The following CNTN4 variants were observed in gnomAD, a reference collection of about 807,000 sequenced individuals.
The protein encoded by CNTN4 is contactin 4, also known as contactin-4.
A neutral mutation model predicts 122.5 loss-of-function variants in CNTN4; 77 were observed. The observed-to-expected ratio is 0.63, with a 90% CI of 0.52 to 0.76. The LOEUF is 0.76. Among genes scored for constraint, CNTN4 ranks in the 30% least tolerant of loss-of-function variants. CNTN4 has a pLI of 0.00. For missense variants in CNTN4, 1,256 were observed against 1,259.1 expected (o/e 1.00, Z 0.04); for synonymous variants, 512 against 447.0 (o/e 1.15, Z -1.83).
intron 4 of CNTN4, among the ~76,000 whole-genome samples, chr3:2,734,235 A>G (rs1483572087): frequency 6.6e-6 from 1 of 151,816 alleles, no homozygotes; most frequent in Non-Finnish European, 1.5e-5. Context: ...TAATTTTTTA[A>G]TTTTTGGTAG....
chr3:2,601,757 C>G (rs997733581), intron 4 of CNTN4, among the ~76,000 whole-genome samples: 8 of 152,040 alleles, frequency 5.3e-5, no homozygotes, highest in African/African-American at 1.9e-4. Flanking sequence ...TCAGCATCAT[C>G]CTGATACCAA....
intron 4 of CNTN4, among the ~76,000 whole-genome samples, chr3:2,660,032 C>T (rs2083802111): frequency 6.6e-6 from 1 of 152,144 alleles, no homozygotes; most frequent in Non-Finnish European, 1.5e-5. Context: ...TGCACAGTCA[C>T]TGGGCTTTGG....
At chr3:2,244,224 A>G (rs2040055449) in intron 2 of CNTN4, among the ~76,000 whole-genome samples, 1 of 149,830 alleles carries the variant, frequency 6.7e-6, no homozygotes, top group African/African-American at 2.4e-5. Context: ...AAAAAAATCT[A>G]TGTAAATGTG....
intron 4 of CNTN4, among the ~76,000 whole-genome samples, chr3:2,733,097 T>G (rs1331410905): frequency 1.3e-5 from 2 of 152,238 alleles, no homozygotes; most frequent in Admixed American, 6.5e-5. Context: ...CAGATGTTAA[T>G]CCACAGTCTC....
rs541413261 is a variant in CNTN4 at position 2,945,259 on chromosome 3, T to C, written c.1358+19480T>C. Among the ~76,000 whole-genome samples the C allele has an allele frequency of 6.6e-5, 10 of 152,292 alleles. No individual in the cohort carries two copies. The Middle Eastern group carries it at 0.01, about 155-fold the overall frequency. On this transcript the variant is annotated intron_variant, in intron 13 of 24. Transcript: ENST00000418658. ...TCATTATTTTTAAAAAAATGTCTTA[T>C]GTTAGCCAATTAGTCTTCAACAGGA...
chr3:2,363,350 A>G (rs966636837), intron 3 of CNTN4, among the ~76,000 whole-genome samples: 18 of 152,198 alleles, frequency 1.2e-4, no homozygotes, highest in Non-Finnish European at 8.8e-5. Context: ...TGTTTTTCAT[A>G]AAGATTAGAA....
At chr3:2,353,480 G>A (rs111900654) in intron 3 of CNTN4, among the ~76,000 whole-genome samples, 3 of 152,032 alleles carry the variant, frequency 2.0e-5, no homozygotes, top group African/African-American at 7.2e-5. Context: ...CTCACTCTTT[G>A]GGTCTGCACT....
intron 3 of CNTN4, among the ~76,000 whole-genome samples, chr3:2,356,076 G>C (rs2044858852): frequency 6.6e-6 from 1 of 152,086 alleles, no homozygotes; most frequent in African/African-American, 2.4e-5. Flanking sequence ...ACAGGTATTG[G>C]TGTTTCCACT....
intron 10 of CNTN4, among the ~76,000 whole-genome samples, chr3:2,888,839 T>C (rs1198105025): frequency 2.6e-5 from 4 of 152,118 alleles, no homozygotes; most frequent in African/African-American, 9.7e-5. Context: ...TCCTGTAGCT[T>C]ATTAAATATG....
At chr3:2,593,287 G>A (rs1283760739) in intron 4 of CNTN4, among the ~76,000 whole-genome samples, 1 of 152,190 alleles carries the variant, frequency 6.6e-6, no homozygotes, top group Non-Finnish European at 1.5e-5. Context: ...AATCCCACAT[G>A]TATTCAAATA....
intron 6 of CNTN4, among the ~76,000 whole-genome samples, chr3:2,793,471 G>T (rs891744563): frequency 3.9e-5 from 6 of 151,958 alleles, no homozygotes; most frequent in African/African-American, 9.7e-5. Context: ...AGTTTTACTG[G>T]ATTTTTGTCC....
At chr3:2,606,311 A>T (rs960402085) in intron 4 of CNTN4, among the ~76,000 whole-genome samples, 3 of 152,086 alleles carry the variant, frequency 2.0e-5, no homozygotes, top group Admixed American at 1.3e-4. Context: ...AGGGAGGAGA[A>T]CAACATACAC....
intron 2 of CNTN4, among the ~76,000 whole-genome samples, chr3:2,193,067 C>T (rs1336152752): frequency 1.3e-5 from 2 of 152,178 alleles, no homozygotes; most frequent in African/African-American, 4.8e-5. Flanking sequence ...CTTTCCCTTA[C>T]TTATGATGCA....
At chr3:2,955,116 C>T (rs1198571656) in intron 13 of CNTN4, among the ~76,000 whole-genome samples, 3 of 152,036 alleles carry the variant, frequency 2.0e-5, no homozygotes, top group Non-Finnish European at 4.4e-5. Context: ...TCTTATGAAA[C>T]ATTACAAAGT....
intron 14 of CNTN4, among the ~76,000 whole-genome samples, chr3:3,008,170 T>C (rs905775552): frequency 3.3e-5 from 5 of 152,156 alleles, no homozygotes; most frequent in Non-Finnish European, 5.9e-5. Context: ...GGGATAATTT[T>C]ATATCAAGTT....
chr3:2,939,922 C>G (rs551881002), intron 13 of CNTN4, among the ~76,000 whole-genome samples: 3 of 152,176 alleles, frequency 2.0e-5, no homozygotes, highest in African/African-American at 7.2e-5. Context: ...TGTTAGCCAT[C>G]GGCAGAATAT....
chr3:2,941,278 CT>C, intron 13 of CNTN4, among the ~76,000 whole-genome samples: 1 of 152,308 alleles, frequency 6.6e-6, no homozygotes, highest in South Asian at 2.1e-4. Context: ...CTCCTTTGCT[CT>C]GTCTACTTTC....
At chr3:2,310,802 A>G (rs570505633) in intron 2 of CNTN4, among the ~76,000 whole-genome samples, 5 of 152,124 alleles carry the variant, frequency 3.3e-5, no homozygotes, top group Admixed American at 2.0e-4. Flanking sequence ...CTTGTTTTCT[A>G]TTATAATACA....
intron 4 of CNTN4, among the ~76,000 whole-genome samples, chr3:2,728,461 G>A (rs940905775): frequency 5.9e-5 from 9 of 152,280 alleles, no homozygotes; most frequent in African/African-American, 1.9e-4. Flanking sequence ...GAGTGGTGAG[G>A]GAGAAAGTGA....
Sources: gnomAD v4.1 joint callset for allele counts (sites outside exome capture counted in the v4.1 genomes callset) on GRCh38, gnomAD v4.1.1 for gene constraint, MANE v1.5 for transcripts, NCBI Gene and HGNC (gene_info 2026-07-23, HGNC 2026-07-21) for gene names.